RANBP2: variants seen among roughly 807,000 people sequenced by gnomAD.
RANBP2 encodes E3 SUMO-protein ligase RanBP2.
RANBP2 carries 57 observed loss-of-function variants against 303.6 expected under a neutral mutation model. That is an observed-to-expected ratio of 0.19 (90% confidence interval 0.15 to 0.23). The LOEUF (loss-of-function observed/expected upper bound fraction) is 0.23, where lower values mean the gene tolerates loss of function less well. RANBP2 is among the 10% of genes least tolerant of loss of function. The pLI, the probability that RANBP2 is intolerant of heterozygous loss-of-function variation, is 1.00. For synonymous variants in RANBP2, 1,167 were observed against 1,301.5 expected (o/e 0.90, Z 2.23); for missense variants, 3,138 against 3,780.8 (o/e 0.83, Z 4.46).
intron 1 of RANBP2, among the ~76,000 whole-genome samples, chr2:108,721,527 G>T (rs1445627481): frequency 6.6e-6 from 1 of 152,024 alleles, no homozygotes; most frequent in Non-Finnish European, 1.5e-5. Context: ...TGCACCTTCC[G>T]CCTCCCCAGC....
At chr2:108,815,904 G>A in the RANBP2 span, 1 of 1,545,416 alleles carries the variant, frequency 6.5e-7, no homozygotes, top group Non-Finnish European at 8.8e-7. Flanking sequence ...TTATGAAGTT[G>A]TGAACTGAAA....
chr2:109,155,255 A>G, the RANBP2 span, among the ~76,000 whole-genome samples: 1 of 152,152 alleles, frequency 6.6e-6, no homozygotes, highest in Non-Finnish European at 1.5e-5. Flanking sequence ...GTATTTGTGG[A>G]ATAATTTTCC....
At chr2:109,278,390 A>G in the RANBP2 span, among the ~76,000 whole-genome samples, 1 of 152,130 alleles carries the variant, frequency 6.6e-6, no homozygotes, top group Non-Finnish European at 1.5e-5. Flanking sequence ...TGGTGATGAC[A>G]CTTCTGAAGG....
chr2:109,003,012 C>T, the RANBP2 span, among the ~76,000 whole-genome samples: 2 of 151,884 alleles, frequency 1.3e-5, no homozygotes, highest in Non-Finnish European at 2.9e-5. Context: ...TCGAGACCAT[C>T]CTGGCCAATA....
At chr2:109,071,736 C>T in the RANBP2 span, among the ~76,000 whole-genome samples, 2 of 151,420 alleles carry the variant, frequency 1.3e-5, no homozygotes, top group East Asian at 1.9e-4. Flanking sequence ...TCTTGAGTTT[C>T]GGGGTGAGGG....
chr2:109,025,093 A>T, the RANBP2 span, among the ~76,000 whole-genome samples: 1 of 152,222 alleles, frequency 6.6e-6, no homozygotes, highest in Admixed American at 6.5e-5. Flanking sequence ...GATAATTTAT[A>T]TACATAGAAT....
chr2:108,775,859 C>G lies in RANBP2; in HGVS notation c.8420C>G (p.Ser2807Cys). ...ATTACCAAATCCATTAGTTCACCATCTGTTTCCTCTGAAACTATGGACAAA... is the reference window on the plus strand; with the variant it reads ...ATTACCAAATCCATTAGTTCACCATGTGTTTCCTCTGAAACTATGGACAAA... Reference protein sequence around the residue: ...DSITKSISSPSVSSETMDKPV... With the variant: ...DSITKSISSPCVSSETMDKPV... Residue 2807 changes from serine to cysteine, a missense_variant, in exon 24 of 29, where the codon TCT (serine) becomes TGT (cysteine). By Grantham distance (112) the Ser-to-Cys change is moderately radical. Transcript: ENST00000283195. 1 of 1,613,576 alleles carries G rather than the reference C, an allele frequency of 6.2e-7. No individual in the cohort carries two copies. The highest frequency in any genetic ancestry group is 8.5e-7 in the Non-Finnish European group (1 of 1,179,930).
At chr2:108,775,514 T>G (rs1386503302) in intron 23 of RANBP2, among the ~76,000 whole-genome samples, 2 of 152,200 alleles carry the variant, frequency 1.3e-5, no homozygotes, top group African/African-American at 2.4e-5. Context: ...ATCCTTATTC[T>G]TCCTGTTTTT....
chr2:108,992,603 C>T, the RANBP2 span, among the ~76,000 whole-genome samples: 3 of 152,336 alleles, frequency 2.0e-5, no homozygotes, highest in East Asian at 3.9e-4. Context: ...CTTCTGGTTA[C>T]CTGCAGGTGA....
the RANBP2 span, among the ~76,000 whole-genome samples, chr2:109,569,760 G>A: frequency 6.6e-6 from 1 of 152,130 alleles, no homozygotes; most frequent in Non-Finnish European, 1.5e-5. Context: ...GCAGTAGACT[G>A]AATACTAAAC....
chr2:109,009,708 T>TTC, the RANBP2 span, among the ~76,000 whole-genome samples: 120 of 97,072 alleles, frequency 1.2e-3, 2 homozygotes, highest in East Asian at 0.014. Context: ...TTACCTTTTT[T>TTC]TTGTTTTTTT....
At chr2:109,661,144 G>C in the RANBP2 span, among the ~76,000 whole-genome samples, 2 of 152,168 alleles carry the variant, frequency 1.3e-5, no homozygotes, top group African/African-American at 4.8e-5. Flanking sequence ...AGGGACCCAG[G>C]TTTATGGAAG....
At chr2:109,076,111 C>T in the RANBP2 span, among the ~76,000 whole-genome samples, 2 of 150,312 alleles carry the variant, frequency 1.3e-5, no homozygotes, top group Admixed American at 6.6e-5. Context: ...TGGGATTTAT[C>T]CCTGGGATGC....
At chr2:109,215,031 T>C in the RANBP2 span, among the ~76,000 whole-genome samples, 4 of 152,194 alleles carry the variant, frequency 2.6e-5, no homozygotes, top group Non-Finnish European at 5.9e-5. Context: ...AAAACAGCTT[T>C]TGTACTTCTA....
At chr2:109,192,027 G>A in the RANBP2 span, among the ~76,000 whole-genome samples, 1 of 152,048 alleles carries the variant, frequency 6.6e-6, no homozygotes, top group African/African-American at 2.4e-5. Context: ...TCATTTTGGC[G>A]AACACAATTT....
chr2:108,931,043 T>C, the RANBP2 span: 4 of 1,613,388 alleles, frequency 2.5e-6, no homozygotes, highest in East Asian at 2.2e-5. Flanking sequence ...CTGAAAGACA[T>C]GCGTCATTAG....
the RANBP2 span, among the ~76,000 whole-genome samples, chr2:109,184,503 C>T: frequency 6.6e-6 from 1 of 152,124 alleles, no homozygotes; most frequent in Admixed American, 6.5e-5. Flanking sequence ...GCTCACTGCT[C>T]AGAGTCCTGT....
the RANBP2 span, among the ~76,000 whole-genome samples, chr2:109,133,268 G>GT: frequency 6.6e-6 from 1 of 152,176 alleles, no homozygotes; most frequent in Non-Finnish European, 1.5e-5. Context: ...AGCCTAATAA[G>GT]TTTATCTGTA....
the RANBP2 span, among the ~76,000 whole-genome samples, chr2:109,139,136 A>T: frequency 6.6e-6 from 1 of 152,200 alleles, no homozygotes; most frequent in South Asian, 2.1e-4. Flanking sequence ...TTAACTCTTT[A>T]TAATCATATC....
Sources: allele counts gnomAD v4.1 joint callset (sites outside exome capture counted in the v4.1 genomes callset), GRCh38; gene constraint gnomAD v4.1.1; transcripts MANE v1.5; gene names NCBI Gene and HGNC (gene_info 2026-07-23, HGNC 2026-07-21).